MUC17: variants seen among roughly 807,000 people sequenced by gnomAD.
MUC17 encodes mucin 17, cell surface associated, also known as mucin-17.
A neutral mutation model predicts 170.3 loss-of-function variants in MUC17; 190 were observed. The observed-to-expected ratio is 1.12, with a 90% CI of 0.99 to 1.26. MUC17 has a LOEUF of 1.26. Ranked by LOEUF, MUC17 falls within the 50% of genes most tolerant of loss-of-function variation. The pLI, the probability that MUC17 is intolerant of heterozygous loss-of-function variation, is 0.00. For synonymous variants in MUC17, 2,325 were observed against 2,002.5 expected, an observed-to-expected ratio of 1.16 and a Z score of -4.30; for missense variants, 6,415 against 5,530.0, an observed-to-expected ratio of 1.16 and a Z score of -5.08.
Position 101,040,895 on chromosome 7 carries a change from G to A in MUC17, c.9479G>A (p.Ser3160Asn). Residue 3160 changes from serine to asparagine, a missense_variant, in exon 3 of 13, where the codon AGT (serine) becomes AAT (asparagine). Physicochemically the swap from Ser to Asn is conservative, Grantham distance 46 (BLOSUM62 1). Transcript: ENST00000306151. ...EGTSMPTSTP[S>N]EGSTPLTYMP... ...ACCAGCATGCCAACCTCAACTCCTAGTGAAGGAAGTACTCCATTAACATAT... is the reference window on the plus strand; with the variant it reads ...ACCAGCATGCCAACCTCAACTCCTAATGAAGGAAGTACTCCATTAACATAT... 6.2e-7 allele frequency: 1 copy of A among 1,613,332 alleles called. No homozygotes were observed. The highest frequency in any genetic ancestry group is 2.2e-5 in the East Asian group (1 of 44,860).
At position 101,051,794 on chromosome 7, in the gene MUC17, C is replaced by A. The variant is rs577734791; in HGVS notation, c.12944-9C>A. 3.1e-6 allele frequency: 5 copies of A among 1,612,436 alleles called. No individual in the cohort carries two copies. The South Asian group carries it at 5.5e-5, about 18-fold the overall frequency. On this transcript the variant is annotated splice_polypyrimidine_tract_variant and intron_variant, in intron 8 of 12. Coordinates refer to ENST00000306151, the MANE Select transcript of MUC17 (RefSeq NM_001040105.2). ...CACGGCTGTTCCCTGTCCCTGCACC[C>A]CCCACCAGAGGACTGCCGGAAGATG...
Position 101,038,715 on chromosome 7 carries a change from A to G in MUC17, c.7299A>G (p.Glu2433=). 6.2e-7 allele frequency: 1 copy of G among 1,613,772 alleles called. No individual in the cohort carries two copies. Among genetic ancestry groups the G allele is most frequent in the Non-Finnish European group, 8.5e-7 (1 of 1,179,960 alleles). ...DTSTPVTTST[E]ASSSPTTAEG... is the part of the protein sequence containing the mutation. The stretch of plus-strand genomic sequence containing the variant: ...GCACACCTGTCACCACTTCTACTGA[A>G]GCCAGTTCATCTCCTACAACTGCTG... The change falls in exon 3 of 13, where the codon GAA becomes GAG. Residue 2433 remains glutamate, a synonymous_variant. Coordinates refer to ENST00000306151, the MANE Select transcript of MUC17 (RefSeq NM_001040105.2).
chr7:101,030,349 A>G (rs1794256001), intron 1 of MUC17, among the ~76,000 whole-genome samples: 1 of 151,706 alleles, frequency 6.6e-6, no homozygotes, highest in Admixed American at 6.6e-5. Flanking sequence ...CTGGCTCCCA[A>G]GTAGTTGGGA....
At position 101,035,442 on chromosome 7, in the gene MUC17, A is replaced by C; in HGVS notation, c.4026A>C (p.Ile1342=). The change falls in exon 3 of 13, where the codon ATA becomes ATC. Residue 1342 remains isoleucine (I), a synonymous_variant. Coordinates refer to ENST00000306151, the MANE Select transcript of MUC17 (RefSeq NM_001040105.2). ...YSEGRTPLTS[I]PVNTTLVASS... is the part of the protein sequence containing the mutation. Reference sequence around the variant, plus strand: ...AAGGAAGAACTCCTTTAACAAGTATACCTGTCAACACCACACTGGTGGCCA... The same window carrying C: ...AAGGAAGAACTCCTTTAACAAGTATCCCTGTCAACACCACACTGGTGGCCA... The C allele has an allele frequency of 6.2e-7, 1 of 1,601,744 alleles. No homozygotes were observed. Among genetic ancestry groups the C allele is most frequent in the Non-Finnish European group, 8.5e-7 (1 of 1,172,238 alleles).
Position 101,043,162 on chromosome 7 carries a change from CCCACAATT to C in MUC17, c.11749_11756del (p.Thr3917CysfsTer33). On this transcript the variant is annotated frameshift_variant, in exon 3 of 13. Coordinates refer to ENST00000306151, the MANE Select transcript of MUC17 (RefSeq NM_001040105.2). LOFTEE classifies it high-confidence loss of function. ...CCCTTCTACTGACACTGCCTCAACT[CCCACAATT>C]CCTGTAGCCACCACCATATCTGTAT... The C allele has an allele frequency of 6.2e-7, 1 of 1,614,168 alleles. No individual in the cohort carries two copies. The highest frequency in any genetic ancestry group is 8.5e-7 in the Non-Finnish European group (1 of 1,180,020).
rs762400300 is a variant in MUC17, at chr7:101,032,498, C to A, written c.1082C>A (p.Thr361Asn). Residue 361 changes from threonine to asparagine, a missense_variant, in exon 3 of 13, where the codon ACC (threonine) becomes AAC (asparagine). By Grantham distance (65) the Thr-to-Asn change is moderately conservative. Transcript: ENST00000306151. ...MSTLSITPVD[T>N]STLVTTSTEP... ...ACACTTTCAATAACTCCTGTTGACA[C>A]CAGCACACTTGTGACCACTTCTACT... The A allele has an allele frequency of 1.2e-6, 2 of 1,614,142 alleles. No individual in the cohort carries two copies. Among genetic ancestry groups the A allele is most frequent in the Admixed American group, 3.3e-5 (2 of 60,028 alleles).
At position 101,032,927 on chromosome 7, in the gene MUC17, C is replaced by A. The variant is rs1351199826; in HGVS notation, c.1511C>A (p.Ser504Ter). The change falls in exon 3 of 13, where the codon TCA (serine) becomes TAA (stop). Residue 504 changes from serine to a stop codon, truncating the protein, a stop_gained. Transcript: ENST00000306151. LOFTEE classifies it high-confidence loss of function. ...PTAEVNSMPT[S>*]TPSEGSTPLT... ...GCTGAAGTTAACAGCATGCCAACCTCAACTCCTAGTGAAGGAAGCACTCCA... is the reference window on the plus strand; with the variant it reads ...GCTGAAGTTAACAGCATGCCAACCTAAACTCCTAGTGAAGGAAGCACTCCA... 1 of 1,614,134 alleles carries A rather than the reference C, an allele frequency of 6.2e-7. No individual in the cohort carries two copies. Among genetic ancestry groups the A allele is most frequent in the Non-Finnish European group, 8.5e-7 (1 of 1,180,018 alleles).
intron 3 of MUC17, among the ~76,000 whole-genome samples, chr7:101,045,872 G>C (rs948463268): frequency 1.3e-5 from 2 of 152,208 alleles, no homozygotes; most frequent in African/African-American, 2.4e-5. Context: ...AATGCCACTG[G>C]ACCCACCATC....
chr7:101,027,489 A>G (rs907664194), intron 1 of MUC17, among the ~76,000 whole-genome samples: 3 of 152,140 alleles, frequency 2.0e-5, no homozygotes, highest in African/African-American at 7.2e-5. Context: ...GAATTTGTTC[A>G]TTTCATCTAA....
chr7:101,046,783 A>C (rs1381342978), intron 3 of MUC17, among the ~76,000 whole-genome samples: 1 of 152,088 alleles, frequency 6.6e-6, no homozygotes, highest in Non-Finnish European at 1.5e-5. Flanking sequence ...GTCTCAAAAA[A>C]TAATAATAAT....
chr7:101,032,138 T>C lies in MUC17; in HGVS notation c.722T>C (p.Val241Ala), dbSNP rs540080829. 45 of 1,613,748 alleles carry C rather than the reference T, an allele frequency of 2.8e-5. No homozygotes were observed. The East Asian group carries it at 9.1e-4, about 33-fold the overall frequency. The change falls in exon 3 of 13, where the codon GTT becomes GCT. Residue 241 changes from valine to alanine, a missense_variant. By Grantham distance (64) the Val-to-Ala change is moderately conservative (BLOSUM62 0). Coordinates refer to ENST00000306151, the MANE Select transcript of MUC17 (RefSeq NM_001040105.2). ...SEAITLLTTP[V>A]EISTPVTISA... ...GCTATCACCCTTTTGACAACTCCTG[T>C]TGAAATCAGCACACCTGTGACCATT...
At chr7:101,051,016 T>C (rs1473186633) in intron 7 of MUC17, among the ~76,000 whole-genome samples, 1 of 151,940 alleles carries the variant, frequency 6.6e-6, no homozygotes, top group East Asian at 1.9e-4. Context: ...TGAGGACCCA[T>C]GGGCCTCGTT....
At chr7:101,028,689 G>A (rs1794224786) in intron 1 of MUC17, among the ~76,000 whole-genome samples, 1 of 151,442 alleles carries the variant, frequency 6.6e-6, no homozygotes, top group South Asian at 2.1e-4. Context: ...AGCAGCCTGG[G>A]CAGCATAGTG....
At chr7:101,023,535 C>T (rs369876487) in intron 1 of MUC17, among the ~76,000 whole-genome samples, 36 of 152,108 alleles carry the variant, frequency 2.4e-4, no homozygotes, top group Middle Eastern at 6.8e-3. Flanking sequence ...TACAGGCGCC[C>T]ACCACCTGTA....
chr7:101,027,275 C>T (rs1794198029), intron 1 of MUC17, among the ~76,000 whole-genome samples: 2 of 152,062 alleles, frequency 1.3e-5, no homozygotes, highest in South Asian at 4.2e-4. Flanking sequence ...GCACCTAGGG[C>T]CCATGCCCAG....
At position 101,058,808 on chromosome 7, in the gene MUC17, T is replaced by C. The variant is rs1795097937; in HGVS notation, c.*764T>C. On this transcript the variant is annotated 3_prime_UTR_variant, in exon 13 of 13. Transcript: ENST00000306151. ...CTGATTTTTTCCTTAGTAAATATTA[T>C]AATATATATTTGTAGTAACTAAAAA... is the stretch of plus-strand genomic sequence containing the variant. The C allele has an allele frequency of 1.3e-5, 2 of 152,152 alleles. No homozygotes were observed. Among genetic ancestry groups the C allele is most frequent in the Non-Finnish European group, 2.9e-5 (2 of 68,024 alleles). 9.4% of individuals were successfully genotyped at this position (152,152 alleles called of 1,614,324 possible). A position where few individuals can be genotyped will look rare whatever the true frequency, so the allele number is the denominator to read the frequency against.
chr7:101,053,505 C>T (rs1378874155), intron 11 of MUC17, 69 bp downstream of exon 11: 4 of 1,233,448 alleles, frequency 3.2e-6, no homozygotes, highest in Non-Finnish European at 4.7e-6. Context: ...GGTGGGCTCA[C>T]ATCTGTAATC....
chr7:101,020,535 TC>T (rs550527098), intron 1 of MUC17, among the ~76,000 whole-genome samples: 86 of 149,262 alleles, frequency 5.8e-4, no homozygotes, highest in African/African-American at 1.9e-3. Context: ...TGAAAAGAGC[TC>T]CCCCCCCGAG....
In MUC17 at chr7:101,038,810, C is replaced by T. The variant is rs1227056578; in HGVS notation, c.7394C>T (p.Thr2465Ile). The T allele has an allele frequency of 6.2e-7, 1 of 1,612,706 alleles. No individual in the cohort carries two copies. Among genetic ancestry groups the T allele is most frequent in the African/African-American group, 1.3e-5 (1 of 74,866 alleles). Reference sequence around the variant, plus strand: ...CCGTTAGCAAGTATGCCTGTCAGCACCACGCCGGTGGTCAGTTCTGAGGCT... The same window carrying T: ...CCGTTAGCAAGTATGCCTGTCAGCATCACGCCGGTGGTCAGTTCTGAGGCT... ...TTPLASMPVS[T>I]TPVVSSEAGT... is the part of the protein sequence containing the mutation. Residue 2465 changes from threonine to isoleucine, a missense_variant, in exon 3 of 13, where the codon ACC becomes ATC. Coordinates refer to ENST00000306151, the MANE Select transcript of MUC17 (RefSeq NM_001040105.2).
Sources: allele counts gnomAD v4.1 joint callset (sites outside exome capture counted in the v4.1 genomes callset), GRCh38; gene constraint gnomAD v4.1.1; transcripts MANE v1.5; gene names NCBI Gene and HGNC (gene_info 2026-07-23, HGNC 2026-07-21).